The following TAF4B variants were observed in gnomAD, a reference collection of about 807,000 sequenced individuals.
TAF4B encodes TATA-box binding protein associated factor 4b.
A neutral mutation model predicts 86.4 loss-of-function variants in TAF4B; 38 were observed. The observed-to-expected ratio is 0.44, with a 90% CI of 0.34 to 0.58. The LOEUF (loss-of-function observed/expected upper bound fraction) is 0.58, where lower values mean the gene tolerates loss of function less well. TAF4B is among the 20% of genes least tolerant of loss of function. The pLI, the probability that TAF4B is intolerant of heterozygous loss-of-function variation, is 0.02. For synonymous variants in TAF4B, 388 were observed against 391.2 expected (o/e 0.99, Z 0.10); for missense variants, 988 against 1,027.6 (o/e 0.96, Z 0.53).
intron 13 of TAF4B, among the ~76,000 whole-genome samples, chr18:26,353,472 T>C (rs1567918112): frequency 6.6e-6 from 1 of 152,242 alleles, no homozygotes; most frequent in Non-Finnish European, 1.5e-5. Flanking sequence ...GGCTCATGCC[T>C]GTAATCCCGG....
intron 1 of TAF4B, among the ~76,000 whole-genome samples, chr18:26,254,679 G>A (rs1158150859): frequency 2.0e-5 from 3 of 152,292 alleles, no homozygotes; most frequent in South Asian, 2.1e-4. Context: ...CTACTGTGCG[G>A]TAATGCTTTG....
At chr18:26,375,758 G>C (rs1957737763) in intron 14 of TAF4B, among the ~76,000 whole-genome samples, 1 of 151,976 alleles carries the variant, frequency 6.6e-6, no homozygotes, top group South Asian at 2.1e-4. Context: ...CTTGTATTTA[G>C]TTGTCATATC....
At chr18:26,301,842 A>T (rs188051897) in intron 9 of TAF4B, among the ~76,000 whole-genome samples, 186 of 152,188 alleles carry the variant, frequency 1.2e-3, no homozygotes, top group African/African-American at 4.2e-3. Context: ...AGATTGCCTA[A>T]TGCTCTGTTG....
Position 26,255,605 on chromosome 18 carries a change from A to AAAAAAAAAAAAAAAAAG in TAF4B, c.344-9552_344-9551insAAAGAAAAAAAAAAAAA, listed in dbSNP as rs1243907717. ...CAACAAGAGCAAAACTCTGTCTCCA[A>AAAAAAAAAAAAAAAAAG]AAAAAAAAAAAAAGAGGGTCAGTTT... On this transcript the variant is annotated intron_variant, in intron 1 of 14. Transcript: ENST00000269142. 18 of 505,056 alleles carry AAAAAAAAAAAAAAAAAG rather than the reference A, an allele frequency of 3.6e-5. No individual in the cohort carries two copies. The Admixed American group carries it at 4.2e-4, about 12-fold the overall frequency. The allele number at this position is 505,056 out of a possible 1,614,324, so 31.3% of individuals were successfully genotyped here.
rs1368993140 is a variant in TAF4B at position 26,346,865 on chromosome 18, A to G, written c.2317-10825A>G. On this transcript the variant is annotated intron_variant, in intron 13 of 14. Transcript: ENST00000269142. ...TGTGTGTATATATATATATGTGTAT[A>G]TATATATATGTGTATATATATATAT... Among the ~76,000 whole-genome samples, 54 of 8,372 alleles carry G rather than the reference A, an allele frequency of 6.5e-3. 4 individuals carry two copies. Among genetic ancestry groups the G allele is most frequent in the African/African-American group, 0.017 (47 of 2,778 alleles). 5.5% of individuals were successfully genotyped at this position (8,372 alleles called of 152,430 possible).
At chr18:26,305,654 G>A (rs189668613) in intron 9 of TAF4B, among the ~76,000 whole-genome samples, 3 of 152,236 alleles carry the variant, frequency 2.0e-5, no homozygotes, top group Admixed American at 6.5e-5. Flanking sequence ...TGATCCACCT[G>A]CCTCGGCCTC....
At chr18:26,318,537 A>G (rs1399919649) in intron 10 of TAF4B, among the ~76,000 whole-genome samples, 1 of 152,214 alleles carries the variant, frequency 6.6e-6, no homozygotes, top group African/African-American at 2.4e-5. Flanking sequence ...TTTCTACTTG[A>G]ATAATGTTAA....
chr18:26,298,198 G>A (rs1300801039), intron 9 of TAF4B, among the ~76,000 whole-genome samples: 5 of 151,502 alleles, frequency 3.3e-5, no homozygotes, highest in African/African-American at 4.9e-5. Flanking sequence ...CAAATATTTT[G>A]ACTGTTTTTG....
intron 11 of TAF4B, among the ~76,000 whole-genome samples, chr18:26,326,162 T>C (rs551882515): frequency 2.6e-5 from 4 of 152,274 alleles, no homozygotes; most frequent in Admixed American, 2.0e-4. Flanking sequence ...GCTCTCCCTG[T>C]CCCATTGCCT....
chr18:26,350,688 A>G (rs1224154393), intron 13 of TAF4B, among the ~76,000 whole-genome samples: 1 of 152,208 alleles, frequency 6.6e-6, no homozygotes, highest in Admixed American at 6.5e-5. Flanking sequence ...GAAAAAGAAA[A>G]TTAAAAACAA....
At chr18:26,242,927 C>T (rs2144470261) in intron 1 of TAF4B, among the ~76,000 whole-genome samples, 1 of 152,322 alleles carries the variant, frequency 6.6e-6, no homozygotes, top group East Asian at 1.9e-4. Context: ...TGTCTTCTGG[C>T]TTGTAGAGTT....
At chr18:26,319,930 AT>A (rs1439984096) in intron 10 of TAF4B, among the ~76,000 whole-genome samples, 1 of 151,970 alleles carries the variant, frequency 6.6e-6, no homozygotes, top group Admixed American at 6.6e-5. Flanking sequence ...ACTTTGTAGA[AT>A]TTTTTTCCCT....
intron 10 of TAF4B, among the ~76,000 whole-genome samples, chr18:26,317,026 AT>A (rs34772122): frequency 0.39 from 45,963 of 117,036 alleles, 8,909 homozygotes; most frequent in East Asian, 0.72. Flanking sequence ...CTCCCTTCCG[AT>A]TTTTTTTTTT....
chr18:26,273,890 C>T (rs1469237743), intron 3 of TAF4B, among the ~76,000 whole-genome samples: 3 of 152,270 alleles, frequency 2.0e-5, no homozygotes, highest in African/African-American at 7.2e-5. Flanking sequence ...AATGATGGTG[C>T]ATTGTTCAGT....
intron 14 of TAF4B, among the ~76,000 whole-genome samples, chr18:26,386,600 C>T (rs1253330744): frequency 6.6e-6 from 1 of 152,154 alleles, no homozygotes; most frequent in Admixed American, 6.5e-5. Flanking sequence ...TGGGAACTCA[C>T]TCTCCTGACT....
Position 26,285,222 on chromosome 18 carries a change from G to GTTTTTTTTTTTTTTTTTTTTTTTT in TAF4B, c.973-646_973-645insTTTTTTTTTTTTTTTTTTTTTTTT. Among the ~76,000 whole-genome samples the GTTTTTTTTTTTTTTTTTTTTTTTT allele has an allele frequency of 1.1e-3, 51 of 45,686 alleles. 6 individuals carry two copies. Among genetic ancestry groups the GTTTTTTTTTTTTTTTTTTTTTTTT allele is most frequent in the Non-Finnish European group, 1.8e-3 (40 of 22,266 alleles). The allele number at this position is 45,686 out of a possible 152,430, so 30.0% of individuals were successfully genotyped here. A position where few individuals can be genotyped will look rare whatever the true frequency, so the allele number is the denominator to read the frequency against. ...ATTTCTTCCTTTCCTTTTTTTTTTT[G>GTTTTTTTTTTTTTTTTTTTTTTTT]TTTTTTTTTTTTTTGGAGATGGGGT... On this transcript the variant is annotated intron_variant, in intron 6 of 14. Transcript: ENST00000269142.
In TAF4B at chr18:26,346,841, G is replaced by A. The variant is rs1266228663; in HGVS notation, c.2317-10849G>A. Reference sequence around the variant, plus strand: ...TGTGTGTGTATATATATATATGTGTGTGTGTATATATATATATGTGTATAT... The same window carrying A: ...TGTGTGTGTATATATATATATGTGTATGTGTATATATATATATGTGTATAT... On this transcript the variant is annotated intron_variant, in intron 13 of 14. Transcript: ENST00000269142. Among the ~76,000 whole-genome samples the A allele has an allele frequency of 2.1e-3, 34 of 16,058 alleles. 4 individuals are homozygous for A. The highest frequency in any genetic ancestry group is 5.2e-3 in the East Asian group (1 of 194). The allele number at this position is 16,058 out of a possible 152,430, so 10.5% of individuals were successfully genotyped here.
At chr18:26,285,406 T>C (rs1030308010) in intron 6 of TAF4B, among the ~76,000 whole-genome samples, 2 of 151,778 alleles carry the variant, frequency 1.3e-5, no homozygotes, top group African/African-American at 4.8e-5. Flanking sequence ...TAGGCTGGTC[T>C]CAAACTCCTG....
Position 26,227,005 on chromosome 18 carries a change from C to G in TAF4B, c.72C>G (p.Thr24=). ...PAAVSASGTV[T]MAPAGALPVR... Reference sequence around the variant, plus strand: ...CTGTGAGCGCCTCGGGGACCGTGACCATGGCCCCGGCCGGGGCGCTGCCGG... The same window carrying G: ...CTGTGAGCGCCTCGGGGACCGTGACGATGGCCCCGGCCGGGGCGCTGCCGG... The change falls in exon 1 of 15, where the codon ACC becomes ACG. Residue 24 remains threonine, a synonymous_variant. Coordinates refer to ENST00000269142, the MANE Select transcript of TAF4B (RefSeq NM_005640.3). The G allele has an allele frequency of 6.9e-7, 1 of 1,453,842 alleles. No homozygotes were observed. The highest frequency in any genetic ancestry group is 9.0e-7 in the Non-Finnish European group (1 of 1,117,236). The allele number at this position is 1,453,842 out of a possible 1,614,324, so 90.1% of individuals were successfully genotyped here.
Sources: gnomAD v4.1 joint callset for allele counts (sites outside exome capture counted in the v4.1 genomes callset) on GRCh38, gnomAD v4.1.1 for gene constraint, MANE v1.5 for transcripts, NCBI Gene and HGNC (gene_info 2026-07-23, HGNC 2026-07-21) for gene names.